PLBD2: variants seen among roughly 807,000 people sequenced by gnomAD.
PLBD2 encodes the protein phospholipase B domain containing 2.
PLBD2 carries 51 observed loss-of-function variants against 68.3 expected under a neutral mutation model. That is an observed-to-expected ratio of 0.75 (90% CI 0.60 to 0.94). The LOEUF is 0.94. Among genes scored for constraint, PLBD2 ranks in the 40% least tolerant of loss-of-function variants. The probability of loss-of-function intolerance (pLI) is 0.00; values close to 1 mark genes in which losing one functional copy is unlikely to be tolerated. For missense variants in PLBD2, 729 were observed against 792.2 expected, an observed-to-expected ratio of 0.92 and a Z score of 0.96; for synonymous variants, 314 against 339.3, an observed-to-expected ratio of 0.93 and a Z score of 0.82.
rs1003607440 is a variant in PLBD2, at chr12:113,384,875, G to A, written c.1143G>A (p.Val381=). ...GGTATAACAACCAGTGGATGATCGT[G>A]GACTACAAGGCGTTCATCCCGGGTG... is the stretch of plus-strand genomic sequence containing the variant. ...SGTYNNQWMI[V]DYKAFIPGGP... Residue 381 remains valine, a synonymous_variant, in exon 8 of 12, where the codon GTG becomes GTA. Transcript: ENST00000280800. The surrounding 1 kb of genome is among the most constrained non-coding windows in gnomAD (Gnocchi z 4.2). 1.2e-6 allele frequency: 2 copies of A among 1,613,914 alleles called. No individual in the cohort carries two copies. The highest frequency in any genetic ancestry group is 2.7e-5 in the African/African-American group (2 of 74,942).
Position 113,369,969 on chromosome 12 carries a change from G to A in PLBD2, c.384+760G>A, listed in dbSNP as rs1177504087. On this transcript the variant is annotated intron_variant, in intron 2 of 11. Coordinates refer to ENST00000280800, the MANE Select transcript of PLBD2 (RefSeq NM_173542.4). ...GGCTGGAGTGCAGTGGTGTGATCTC[G>A]GCTCACTGCAACCTCTGCTTCCCAG... 4.0e-5 allele frequency among the ~76,000 whole-genome samples: 6 copies of A among 150,786 alleles called. 1 individual carries two copies. The highest frequency in any genetic ancestry group is 1.3e-4 in the Admixed American group (2 of 15,076).
At chr12:113,367,748 C>CAA (rs563757349) in intron 1 of PLBD2, among the ~76,000 whole-genome samples, 42 of 64,256 alleles carry the variant, frequency 6.5e-4, no homozygotes, top group African/African-American at 1.6e-3. Flanking sequence ...GATGCTGTCT[C>CAA]AAAAAAAAAA....
intron 1 of PLBD2, among the ~76,000 whole-genome samples, chr12:113,360,025 C>A (rs1029352569): frequency 1.3e-5 from 2 of 152,170 alleles, no homozygotes; most frequent in Non-Finnish European, 2.9e-5. Context: ...GGGCCTCCTC[C>A]CACTTTAGCC....
At chr12:113,385,317 T>C (rs761291765) in intron 9 of PLBD2, 34 bp downstream of exon 9, 1 of 1,586,112 alleles carries the variant, frequency 6.3e-7, no homozygotes, top group Admixed American at 1.7e-5. Flanking sequence ...CCCGTCACCC[T>C]CCAGGGCATC....
At chr12:113,359,042 G>C in intron 1 of PLBD2, 152 bp downstream of exon 1, 1 of 876,736 alleles carries the variant, frequency 1.1e-6, no homozygotes, top group South Asian at 2.0e-5. Flanking sequence ...ACCGCCCTGC[G>C]GGCCAAGTAC....
At chr12:113,363,259 A>G (rs746628387) in intron 1 of PLBD2, among the ~76,000 whole-genome samples, 57 of 152,076 alleles carry the variant, frequency 3.7e-4, no homozygotes, top group Non-Finnish European at 6.9e-4. Context: ...ACATGGTGAG[A>G]CCCTATCTCT....
rs1957577566 is a variant in PLBD2 at position 113,388,655 on chromosome 12, C to T, written c.*29C>T. On this transcript the variant is annotated 3_prime_UTR_variant, in exon 12 of 12. Transcript: ENST00000280800. Reference sequence around the variant, plus strand: ...TCTGTCCCTGCTCTGCTGCTTTCGCCCCTGCTGACCCTCGTCAGGGTCACC... The same window carrying T: ...TCTGTCCCTGCTCTGCTGCTTTCGCTCCTGCTGACCCTCGTCAGGGTCACC... The T allele has an allele frequency of 2.0e-6, 3 of 1,531,256 alleles. No individual in the cohort carries two copies. The highest frequency in any genetic ancestry group is 1.4e-5 in the African/African-American group (1 of 72,126). The allele number at this position is 1,531,256 out of a possible 1,614,324, so 94.9% of individuals were successfully genotyped here. A position where few individuals can be genotyped will look rare whatever the true frequency, so the allele number is the denominator to read the frequency against.
chr12:113,381,793 C>A (rs978863123), intron 6 of PLBD2, among the ~76,000 whole-genome samples: 6 of 151,588 alleles, frequency 4.0e-5, no homozygotes, highest in African/African-American at 1.2e-4. Context: ...TGGCCCTCTT[C>A]TCAGAATAGT....
In PLBD2 at chr12:113,387,090, G is replaced by T. The variant is rs759411791; in HGVS notation, c.1439+1G>T. The T allele has an allele frequency of 8.2e-6, 13 of 1,578,016 alleles. No homozygotes were observed. The highest frequency in any genetic ancestry group is 1.0e-5 in the Non-Finnish European group (12 of 1,162,500). ...TGGACTCCATGGTCAGGCTGATGAGGTAGGTGCCAGTTGGGTGGTGGGTTG... is the reference window on the plus strand; with the variant it reads ...TGGACTCCATGGTCAGGCTGATGAGTTAGGTGCCAGTTGGGTGGTGGGTTG... On this transcript the variant is annotated splice_donor_variant, in intron 10 of 11. Coordinates refer to ENST00000280800, the MANE Select transcript of PLBD2 (RefSeq NM_173542.4). LOFTEE classifies it high-confidence loss of function.
rs916292818 is a variant in PLBD2, at chr12:113,384,398, TG to T, written c.1118+137del. 8.5e-6 allele frequency: 10 copies of T among 1,174,050 alleles called. No homozygotes were observed. The highest frequency in any genetic ancestry group is 1.5e-5 in the African/African-American group (1 of 65,020). The allele number at this position is 1,174,050 out of a possible 1,614,324, so 72.7% of individuals were successfully genotyped here. A position where few individuals can be genotyped will look rare whatever the true frequency, so the allele number is the denominator to read the frequency against. On this transcript the variant is annotated intron_variant, in intron 7 of 11. Transcript: ENST00000280800. This position sits in a 1 kb window ranked among gnomAD's most constrained non-coding sequence, Gnocchi z 4.2. The stretch of plus-strand genomic sequence containing the variant: ...CCCACGCCCTCCTTTGTTTCATACA[TG>T]GGGAGACTGAGGCTAGGGAAGGAAA...
chr12:113,362,596 A>G (rs1158392535), intron 1 of PLBD2, among the ~76,000 whole-genome samples: 1 of 143,228 alleles, frequency 7.0e-6, no homozygotes, highest in African/African-American at 2.6e-5. Context: ...ATTTTCCAGG[A>G]AAAAAAAAAA....
intron 1 of PLBD2, among the ~76,000 whole-genome samples, chr12:113,361,106 G>C (rs1045902720): frequency 6.6e-6 from 1 of 152,004 alleles, no homozygotes; most frequent in Non-Finnish European, 1.5e-5. Flanking sequence ...AAAGCCATAG[G>C]GGGTGTCCTG....
intron 9 of PLBD2, 111 bp downstream of exon 9, chr12:113,385,394 C>T (rs531489961): frequency 1.9e-6 from 2 of 1,042,878 alleles, no homozygotes; most frequent in East Asian, 2.5e-5. Context: ...AGAATCCCAG[C>T]CTACCCCCTT....
chr12:113,362,952 T>C (rs1957308261), intron 1 of PLBD2, among the ~76,000 whole-genome samples: 2 of 106,140 alleles, frequency 1.9e-5, no homozygotes, highest in East Asian at 6.6e-4. Context: ...ACCCAGCTAA[T>C]TTTTTTTTTT....
At chr12:113,364,027 G>A (rs779556060) in intron 1 of PLBD2, among the ~76,000 whole-genome samples, 6 of 152,166 alleles carry the variant, frequency 3.9e-5, no homozygotes, top group East Asian at 1.9e-4. Flanking sequence ...CATGCAGTCC[G>A]CTATGGCATG....
intron 9 of PLBD2, among the ~76,000 whole-genome samples, chr12:113,385,636 A>T (rs1255648373): frequency 6.6e-6 from 1 of 152,246 alleles, no homozygotes; most frequent in African/African-American, 2.4e-5. Context: ...TAAAATTGCC[A>T]CATGTGGTCA....
At chr12:113,377,878 AG>A (rs1309544919) in intron 5 of PLBD2, among the ~76,000 whole-genome samples, 1 of 152,252 alleles carries the variant, frequency 6.6e-6, no homozygotes, top group Non-Finnish European at 1.5e-5. Context: ...TAAGTCATAC[AG>A]GTATGTTATA....
intron 1 of PLBD2, among the ~76,000 whole-genome samples, chr12:113,368,516 T>C (rs1164043320): frequency 6.6e-6 from 1 of 152,200 alleles, no homozygotes. Context: ...GCTAATCTTA[T>C]AACTAGCATG....
intron 2 of PLBD2, among the ~76,000 whole-genome samples, chr12:113,371,880 C>T (rs950351743): frequency 9.2e-5 from 14 of 152,236 alleles, no homozygotes; most frequent in African/African-American, 2.9e-4. Flanking sequence ...CTGCCTCCCC[C>T]TCTAGCCTGT....
Sources: allele counts gnomAD v4.1 joint callset (sites outside exome capture counted in the v4.1 genomes callset), GRCh38; gene constraint gnomAD v4.1.1; non-coding constraint Gnocchi (gnomAD v3.1); transcripts MANE v1.5; gene names NCBI Gene and HGNC (gene_info 2026-07-23, HGNC 2026-07-21).